Variants in CELA2A observed in about 807,000 individuals in gnomAD.
CELA2A encodes chymotrypsin-like elastase family member 2A.
Under a neutral mutation model 35.3 loss-of-function variants are expected in CELA2A, and 31 were observed. The observed-to-expected ratio is 0.88, with a 90% CI of 0.66 to 1.19. The LOEUF (loss-of-function observed/expected upper bound fraction) is 1.19. Among genes scored for constraint, CELA2A ranks in the 50% most tolerant of loss-of-function variants. The pLI is 0.00. For missense variants in CELA2A, 330 were observed against 352.9 expected, an observed-to-expected ratio of 0.94 and a Z score of 0.52; for synonymous variants, 150 against 149.8, an observed-to-expected ratio of 1.00 and a Z score of -0.01.
chr1:15,465,970 C>T, intron 5 of CELA2A, 29 bp from the exon 6 acceptor site: 1 of 1,613,242 alleles, frequency 6.2e-7, no homozygotes, highest in Non-Finnish European at 8.5e-7. Flanking sequence ...TCCCTGCATC[C>T]CTAATGGCTT....
At chr1:15,468,427 G>A (rs148899491) in intron 7 of CELA2A, among the ~76,000 whole-genome samples, 3 of 152,266 alleles carry the variant, frequency 2.0e-5, no homozygotes, top group African/African-American at 4.8e-5. Context: ...ACTCAGAGAG[G>A]TGTCTCCTTT....
Position 15,461,614 on chromosome 1 carries a change from C to T in CELA2A, c.183C>T (p.Ser61=), listed in dbSNP as rs750597578. The part of the protein sequence containing the change: ...NGKWYHTCGG[S]LIANSWVLTA... ...AGTGGTACCACACCTGCGGAGGGTC[C>T]CTGATAGCCAACAGCTGGGTCCTGA... Residue 61 remains serine, a synonymous_variant, in exon 3 of 8, where the codon TCC becomes TCT. Coordinates refer to ENST00000359621, the MANE Select transcript of CELA2A (RefSeq NM_033440.3). 1 of 1,612,954 alleles carries T rather than the reference C, an allele frequency of 6.2e-7. No homozygotes were observed. Among genetic ancestry groups the T allele is most frequent in the African/African-American group, 1.3e-5 (1 of 74,896 alleles).
chr1:15,461,847 A>G, intron 3 of CELA2A, 189 bp downstream of exon 3: 1 of 749,264 alleles, frequency 1.3e-6, no homozygotes. Context: ...CATGGCATGG[A>G]TGGAGTGTCT....
intron 5 of CELA2A, among the ~76,000 whole-genome samples, chr1:15,463,973 A>G (rs1708477021): frequency 6.6e-6 from 1 of 151,876 alleles, no homozygotes; most frequent in Admixed American, 6.6e-5. Flanking sequence ...AATCACTTGA[A>G]CCTGGGAGAT....
chr1:15,467,370 C>T lies in CELA2A; in HGVS notation c.640-16C>T. The T allele has an allele frequency of 1.9e-6, 3 of 1,611,784 alleles. No homozygotes were observed. The highest frequency in any genetic ancestry group is 2.5e-6 in the Non-Finnish European group (3 of 1,179,872). ...TTCCTCTCCCTTTACCTGCCTATAACTCTGGCCTTCCTCAGGGAGACTCTG... is the reference window on the plus strand; with the variant it reads ...TTCCTCTCCCTTTACCTGCCTATAATTCTGGCCTTCCTCAGGGAGACTCTG... On this transcript the variant is annotated splice_polypyrimidine_tract_variant and intron_variant, in intron 6 of 7. Coordinates refer to ENST00000359621, the MANE Select transcript of CELA2A (RefSeq NM_033440.3).
chr1:15,464,668 G>C (rs111783420), intron 5 of CELA2A, among the ~76,000 whole-genome samples: 1 of 152,140 alleles, frequency 6.6e-6, no homozygotes, highest in Non-Finnish European at 1.5e-5. Flanking sequence ...CAAATCCTGC[G>C]GTGAGCGGTG....
At chr1:15,471,950 C>T (rs768587028) in intron 7 of CELA2A, 40 bp from the exon 8 acceptor site, 19 of 1,613,470 alleles carry the variant, frequency 1.2e-5, no homozygotes, top group East Asian at 6.7e-5. Flanking sequence ...CACAGCTCTG[C>T]GGTTAGGTGA....
At chr1:15,465,080 C>A (rs1460802625) in intron 5 of CELA2A, among the ~76,000 whole-genome samples, 1 of 134,524 alleles carries the variant, frequency 7.4e-6, no homozygotes, top group Non-Finnish European at 1.5e-5. Flanking sequence ...GGTGCAATCT[C>A]GGCTCACTGC....
intron 5 of CELA2A, among the ~76,000 whole-genome samples, chr1:15,465,318 C>T (rs368784266): frequency 1.3e-5 from 2 of 152,196 alleles, no homozygotes; most frequent in African/African-American, 4.8e-5. Context: ...CGACACTTAA[C>T]TTCCCTAGGC....
chr1:15,462,124 C>T (rs1708443369), intron 3 of CELA2A: 2 of 472,534 alleles, frequency 4.2e-6, no homozygotes, highest in Non-Finnish European at 8.8e-6. Context: ...TATAAAGGCC[C>T]ACAAGGTTCT....
chr1:15,468,091 T>TAAAAAAAA (rs35520894), intron 7 of CELA2A, among the ~76,000 whole-genome samples: 1 of 86,430 alleles, frequency 1.2e-5, no homozygotes. Context: ...AAACTCCATC[T>TAAAAAAAA]AAAAAAAAAA....
intron 3 of CELA2A, among the ~76,000 whole-genome samples, chr1:15,462,487 G>GT (rs1164538034): frequency 6.6e-6 from 1 of 152,108 alleles, no homozygotes; most frequent in Non-Finnish European, 1.5e-5. Flanking sequence ...TATAGAGTTT[G>GT]TGTTATTATA....
At chr1:15,463,907 CA>C (rs1467858598) in intron 5 of CELA2A, among the ~76,000 whole-genome samples, 1 of 151,324 alleles carries the variant, frequency 6.6e-6, no homozygotes, top group Non-Finnish European at 1.5e-5. Flanking sequence ...AAAAAAATAG[CA>C]GGATGTGGCA....
At chr1:15,469,790 C>T (rs1259755574) in intron 7 of CELA2A, among the ~76,000 whole-genome samples, 1 of 152,156 alleles carries the variant, frequency 6.6e-6, no homozygotes, top group African/African-American at 2.4e-5. Context: ...GTCAAAGGAG[C>T]CTGGCCTGAG....
In CELA2A at chr1:15,456,796, A is replaced by AAGTCCTG; in HGVS notation, c.40+4_40+10dup. ...GCTGTCCACTTTGGTGGCTGGAGGT[A>AAGTCCTG]AGTCCTGTTACCCAGAGGCACTGGT... On this transcript the variant is annotated splice_donor_region_variant and intron_variant, in intron 1 of 7. Transcript: ENST00000359621. The AAGTCCTG allele has an allele frequency of 6.2e-7, 1 of 1,614,172 alleles. No homozygotes were observed. The highest frequency in any genetic ancestry group is 8.5e-7 in the Non-Finnish European group (1 of 1,180,016).
At chr1:15,457,849 G>A (rs543358360) in intron 2 of CELA2A, among the ~76,000 whole-genome samples, 2 of 152,222 alleles carry the variant, frequency 1.3e-5, no homozygotes, top group African/African-American at 4.8e-5. Context: ...TGCTATTTGC[G>A]CAGATTAATC....
At chr1:15,464,097 C>A (rs184876622) in intron 5 of CELA2A, among the ~76,000 whole-genome samples, 1 of 152,014 alleles carries the variant, frequency 6.6e-6, no homozygotes, top group African/African-American at 2.4e-5. Context: ...AGAGTTGTCA[C>A]GAGGATTAAA....
rs138922787 is a variant in CELA2A at position 15,467,539 on chromosome 1, G to A, written c.792+1G>A. The A allele has an allele frequency of 2.4e-5, 39 of 1,613,992 alleles. No homozygotes were observed. In the African/African-American group the frequency reaches 3.9e-4, roughly 16 times the overall value. ...CAATTACATCGACTGGATCAATTCG[G>A]TAAGAACCGGACCAGCCCTGAGCCC... On this transcript the variant is annotated splice_donor_variant, in intron 7 of 7. Transcript: ENST00000359621. LOFTEE classifies it high-confidence loss of function.
rs201638508 is a variant in CELA2A at position 15,467,442 on chromosome 1, C to T, written c.696C>T (p.His232=). The change falls in exon 7 of 8, where the codon CAC becomes CAT. Residue 232 remains histidine, a synonymous_variant. Coordinates refer to ENST00000359621, the MANE Select transcript of CELA2A (RefSeq NM_033440.3). Reference sequence around the variant, plus strand: ...CGTCTGACGGCCGGTGGCAGGTGCACGGCATCGTCAGCTTCGGGTCTCGCC... The same window carrying T: ...CGTCTGACGGCCGGTGGCAGGTGCATGGCATCGTCAGCTTCGGGTCTCGCC... ...CQASDGRWQV[H]GIVSFGSRLG... The T allele has an allele frequency of 1.6e-4, 254 of 1,614,036 alleles. 2 individuals are homozygous for T. Among genetic ancestry groups the T allele is most frequent in the Non-Finnish European group, 1.9e-4 (221 of 1,180,036 alleles).
Sources: gnomAD v4.1 joint callset for allele counts (sites outside exome capture counted in the v4.1 genomes callset) on GRCh38, gnomAD v4.1.1 for gene constraint, MANE v1.5 for transcripts, NCBI Gene and HGNC (gene_info 2026-07-23, HGNC 2026-07-21) for gene names.